Variants in COL25A1 observed in about 807,000 individuals in gnomAD.
COL25A1 encodes the protein collagen alpha-1(XXV) chain.
A neutral mutation model predicts 128.4 loss-of-function variants in COL25A1; 103 were observed. The observed-to-expected ratio is 0.80, with a 90% CI of 0.68 to 0.94. The LOEUF (loss-of-function observed/expected upper bound fraction) is 0.94. COL25A1 is among the 40% of genes least tolerant of loss of function. The probability of loss-of-function intolerance (pLI) is 0.00; values close to 1 mark genes in which losing one functional copy is unlikely to be tolerated. For synonymous variants in COL25A1, 279 were observed against 277.2 expected (o/e 1.01, Z -0.06); for missense variants, 745 against 840.0 (o/e 0.89, Z 1.40).
At chr4:109,168,691 A>G (rs370861142) in intron 3 of COL25A1, among the ~76,000 whole-genome samples, 41 of 152,280 alleles carry the variant, frequency 2.7e-4, no homozygotes, top group African/African-American at 9.6e-4. Flanking sequence ...TTTCAGGGCC[A>G]TGCCAAAAGT....
intron 26 of COL25A1, 142 bp downstream of exon 26, chr4:108,852,094 T>G: frequency 1.7e-6 from 1 of 594,548 alleles, no homozygotes. Context: ...GACCTCAATT[T>G]CTTTTCTTCG....
In COL25A1 at chr4:108,832,407, A is replaced by T; in HGVS notation, c.1683T>A (p.His561Gln). The change falls in exon 32 of 38, where the codon CAT (histidine) becomes CAA (glutamine). Residue 561 changes from histidine to glutamine, a missense_variant. By Grantham distance (24) the His-to-Gln change is conservative. Coordinates refer to ENST00000399132, the MANE Select transcript of COL25A1 (RefSeq NM_198721.4). Reference protein sequence around the residue: ...PKGTDGPMGPHGPAGPKGERG... With the variant: ...PKGTDGPMGPQGPAGPKGERG... Reference sequence around the variant, plus strand: ...TTTCTCCTTTGGGACCTGCAGGGCCATGGGGTCCCATAGGACCATCTGTAC... The same window carrying T: ...TTTCTCCTTTGGGACCTGCAGGGCCTTGGGGTCCCATAGGACCATCTGTAC... 6.2e-7 allele frequency: 1 copy of T among 1,611,304 alleles called. No homozygotes were observed. Among genetic ancestry groups the T allele is most frequent in the Non-Finnish European group, 8.5e-7 (1 of 1,178,300 alleles).
intron 6 of COL25A1, among the ~76,000 whole-genome samples, chr4:108,987,429 G>T (rs1052996273): frequency 4.0e-5 from 6 of 150,720 alleles, no homozygotes; most frequent in Non-Finnish European, 8.8e-5. Flanking sequence ...AGGCTGGAGT[G>T]CAGTGGCATG....
intron 19 of COL25A1, among the ~76,000 whole-genome samples, chr4:108,871,330 A>AT (rs1738676724): frequency 6.6e-6 from 1 of 152,022 alleles, no homozygotes; most frequent in Non-Finnish European, 1.5e-5. Context: ...TTATTTATTT[A>AT]TTTTTTTGAG....
chr4:109,022,822 G>A (rs367574615), intron 5 of COL25A1, among the ~76,000 whole-genome samples: 5 of 152,140 alleles, frequency 3.3e-5, no homozygotes, highest in Admixed American at 6.6e-5. Context: ...CAGGGTCTAC[G>A]GCATTCAAAG....
intron 24 of COL25A1, among the ~76,000 whole-genome samples, chr4:108,855,902 A>G (rs1219304976): frequency 6.6e-6 from 1 of 152,174 alleles, no homozygotes; most frequent in Non-Finnish European, 1.5e-5. Context: ...TATGTGGCAA[A>G]TCCAAGTTAA....
At chr4:108,981,516 T>C (rs1409530339) in intron 6 of COL25A1, among the ~76,000 whole-genome samples, 2 of 152,246 alleles carry the variant, frequency 1.3e-5, no homozygotes, top group African/African-American at 4.8e-5. Flanking sequence ...TTGTGTTTAA[T>C]ATCTTTTTAA....
chr4:109,211,669 C>T (rs188049091), intron 3 of COL25A1, among the ~76,000 whole-genome samples: 2 of 152,152 alleles, frequency 1.3e-5, no homozygotes, highest in East Asian at 3.9e-4. Context: ...CTTTCATTAG[C>T]AGGATGCCTA....
At chr4:108,913,881 T>G (rs1744555344) in intron 13 of COL25A1, among the ~76,000 whole-genome samples, 1 of 152,218 alleles carries the variant, frequency 6.6e-6, no homozygotes, top group Non-Finnish European at 1.5e-5. Flanking sequence ...AATATTCAAA[T>G]ATACATCACT....
intron 3 of COL25A1, among the ~76,000 whole-genome samples, chr4:109,054,725 G>A (rs1009151469): frequency 6.6e-6 from 1 of 152,128 alleles, no homozygotes; most frequent in African/African-American, 2.4e-5. Context: ...AAATGGAGAC[G>A]TCACAGCAAA....
intron 3 of COL25A1, among the ~76,000 whole-genome samples, chr4:109,189,533 G>A (rs139137278): frequency 0.033 from 4,023 of 121,252 alleles, 213 homozygotes; most frequent in African/African-American, 0.12. Flanking sequence ...GGGTGACAGA[G>A]AGAGACTCCA....
intron 10 of COL25A1, 83 bp downstream of exon 10, chr4:108,940,456 C>T (rs942737770): frequency 8.5e-7 from 1 of 1,171,170 alleles, no homozygotes; most frequent in African/African-American, 1.5e-5. Context: ...CCTGATGCCC[C>T]TCACCACCCT....
At chr4:109,196,213 G>A (rs533235288) in intron 3 of COL25A1, among the ~76,000 whole-genome samples, 3 of 152,276 alleles carry the variant, frequency 2.0e-5, no homozygotes, top group African/African-American at 7.2e-5. Flanking sequence ...GTGTTGAAAG[G>A]AAATGCAATC....
intron 6 of COL25A1, among the ~76,000 whole-genome samples, chr4:108,986,103 A>G (rs1192722985): frequency 1.3e-5 from 2 of 152,226 alleles, no homozygotes; most frequent in South Asian, 2.1e-4. Context: ...CCTTGAATCT[A>G]TGGCCATCTT....
intron 3 of COL25A1, among the ~76,000 whole-genome samples, chr4:109,102,787 T>C (rs894599080): frequency 6.6e-6 from 1 of 152,150 alleles, no homozygotes; most frequent in African/African-American, 2.4e-5. Context: ...TTTTATAAAA[T>C]CTATTTTGAT....
intron 3 of COL25A1, among the ~76,000 whole-genome samples, chr4:109,296,000 C>T (rs1315577567): frequency 6.6e-6 from 1 of 152,032 alleles, no homozygotes; most frequent in Non-Finnish European, 1.5e-5. Context: ...TCCAGTGGTA[C>T]TGTTCAGTAA....
rs755465700 is a variant in COL25A1 at position 108,817,407 on chromosome 4, C to T, written c.1952G>A (p.Cys651Tyr). 6.2e-7 allele frequency: 1 copy of T among 1,613,380 alleles called. No homozygotes were observed. The highest frequency in any genetic ancestry group is 8.5e-7 in the Non-Finnish European group (1 of 1,179,456). ...LGPDGLPMPG[C>Y]WQK is the part of the protein sequence containing the mutation. ...TTCAGTAAAGCCTACCTTTTGCCAACAGCCAGGCATGGGTAAGCCATCTGG... is the reference window on the plus strand; with the variant it reads ...TTCAGTAAAGCCTACCTTTTGCCAATAGCCAGGCATGGGTAAGCCATCTGG... The change falls in exon 37 of 38, where the codon TGT becomes TAT. Residue 651 changes from cysteine to tyrosine, a missense_variant. Cys to Tyr is a radical substitution (Grantham distance 194). This residue lies in a region of COL25A1 where 387 missense variants were observed against 441.9 expected (regional missense o/e 0.88). Coordinates refer to ENST00000399132, the MANE Select transcript of COL25A1 (RefSeq NM_198721.4).
At chr4:108,900,868 T>C (rs1742755452) in intron 14 of COL25A1, among the ~76,000 whole-genome samples, 1 of 152,130 alleles carries the variant, frequency 6.6e-6, no homozygotes. Context: ...ATTCATGTTA[T>C]TTAAGTATCT....
At chr4:109,289,157 T>G (rs1724213651) in intron 3 of COL25A1, among the ~76,000 whole-genome samples, 1 of 152,112 alleles carries the variant, frequency 6.6e-6, no homozygotes, top group South Asian at 2.1e-4. Context: ...AGAGCTGTTT[T>G]ATAACTGTGT....
Sources: allele counts gnomAD v4.1 joint callset (sites outside exome capture counted in the v4.1 genomes callset), GRCh38; gene constraint gnomAD v4.1.1; regional missense constraint gnomAD v4.1.1; transcripts MANE v1.5; gene names NCBI Gene and HGNC (gene_info 2026-07-23, HGNC 2026-07-21).